Variants in SH3BGR observed in about 807,000 individuals in gnomAD.
SH3BGR encodes SH3 domain binding glutamate rich protein.
In SH3BGR, 29 loss-of-function variants were observed where a neutral mutation model predicts 24.5. The ratio of observed to expected loss-of-function variants is 1.18; its 90% confidence interval spans 0.88 to 1.61. The LOEUF (loss-of-function observed/expected upper bound fraction) is 1.61. SH3BGR is among the 40% of genes most tolerant of loss of function. The pLI is 0.00. For missense variants in SH3BGR, 162 were observed against 205.8 expected (o/e 0.79, Z 1.30); for synonymous variants, 55 against 65.7 (o/e 0.84, Z 0.79).
intron 3 of SH3BGR, among the ~76,000 whole-genome samples, chr21:39,478,778 A>G (rs766053523): frequency 1.1e-4 from 17 of 151,406 alleles, no homozygotes; most frequent in Non-Finnish European, 2.2e-4. Flanking sequence ...TCTTCCCTCT[A>G]TTGGTAGTTT....
At chr21:39,465,679 C>T (rs934601800) in intron 2 of SH3BGR, among the ~76,000 whole-genome samples, 8 of 152,250 alleles carry the variant, frequency 5.3e-5, no homozygotes, top group African/African-American at 1.7e-4. Context: ...CAGCCTCAAA[C>T]TCCTGAGCTC....
intron 4 of SH3BGR, 47 bp from the exon 5 acceptor site, chr21:39,508,951 G>A (rs74857292): frequency 3.2e-5 from 44 of 1,353,864 alleles, no homozygotes; most frequent in African/African-American, 2.2e-4. Flanking sequence ...GACTTTAAAC[G>A]TACTTGAATT....
intron 2 of SH3BGR, among the ~76,000 whole-genome samples, chr21:39,471,282 A>G (rs1003199645): frequency 2.0e-5 from 3 of 152,178 alleles, no homozygotes; most frequent in Non-Finnish European, 4.4e-5. Flanking sequence ...CAATAAGTCT[A>G]GAAAATTATT....
At chr21:39,452,600 A>G (rs1193479181) in intron 1 of SH3BGR, among the ~76,000 whole-genome samples, 1 of 152,222 alleles carries the variant, frequency 6.6e-6, no homozygotes, top group Non-Finnish European at 1.5e-5. Flanking sequence ...TAATGATGTA[A>G]CCATACTGAA....
At chr21:39,455,937 C>T (rs188183171) in intron 1 of SH3BGR, among the ~76,000 whole-genome samples, 24 of 152,264 alleles carry the variant, frequency 1.6e-4, no homozygotes, top group African/African-American at 5.3e-4. Flanking sequence ...CAATGCCATG[C>T]GTCCAACAGT....
In SH3BGR at chr21:39,462,546, G is replaced by A. The variant is rs774157011; in HGVS notation, c.217G>A (p.Glu73Lys). The A allele has an allele frequency of 1.3e-6, 2 of 1,590,688 alleles. No individual in the cohort carries two copies. Among genetic ancestry groups the A allele is most frequent in the African/African-American group, 1.4e-5 (1 of 73,342 alleles). ...IPLPPQIFNE[E>K]QYCGDFDSFF... The stretch of plus-strand genomic sequence containing the variant: ...TTTGCCTCCCCAGATCTTCAATGAG[G>A]AGCAGTACTGTGGGGTGAGTATGTG... Residue 73 changes from glutamate (E) to lysine (K), a missense_variant, in exon 2 of 7, where the codon GAG becomes AAG. Glu to Lys is a moderately conservative substitution (Grantham distance 56). Transcript: ENST00000333634.
chr21:39,471,489 A>G (rs1302667027), intron 2 of SH3BGR, among the ~76,000 whole-genome samples: 3 of 152,074 alleles, frequency 2.0e-5, no homozygotes, highest in African/African-American at 7.2e-5. Context: ...TATAATCTGT[A>G]TTTGCTTCTC....
chr21:39,510,234 G>A lies in SH3BGR; in HGVS notation c.435+1207G>A, dbSNP rs1041327612. ...TGGGATTACAGGCGTGAGCCACCGCGCCCAGCCTTTGTTAACTTTTGAAAT... is the reference window on the plus strand; with the variant it reads ...TGGGATTACAGGCGTGAGCCACCGCACCCAGCCTTTGTTAACTTTTGAAAT... On this transcript the variant is annotated intron_variant, in intron 5 of 6. Transcript: ENST00000333634. 3.1e-5 allele frequency among the ~76,000 whole-genome samples: 4 copies of A among 127,644 alleles called. 1 individual carries two copies. Among genetic ancestry groups the A allele is most frequent in the Non-Finnish European group, 6.6e-5 (4 of 60,886 alleles). 83.7% of individuals were successfully genotyped at this position (127,644 alleles called of 152,430 possible).
chr21:39,502,548 G>A (rs548719765), intron 4 of SH3BGR, among the ~76,000 whole-genome samples: 25 of 152,316 alleles, frequency 1.6e-4, no homozygotes, highest in African/African-American at 5.8e-4. Context: ...AGACTCCTGG[G>A]CAAGGAATGT....
At chr21:39,474,304 G>A (rs1265686987) in intron 2 of SH3BGR, among the ~76,000 whole-genome samples, 1 of 152,114 alleles carries the variant, frequency 6.6e-6, no homozygotes, top group Non-Finnish European at 1.5e-5. Flanking sequence ...GAGTAGGGTA[G>A]GCAAAGAACA....
intron 1 of SH3BGR, 45 bp downstream of exon 1, chr21:39,452,186 AACT>A (rs2077585884): frequency 6.2e-7 from 1 of 1,611,760 alleles, no homozygotes; most frequent in Non-Finnish European, 8.5e-7. Context: ...TTTTCTGAAT[AACT>A]TAGGGTTGGA....
Position 39,499,272 on chromosome 21 carries a change from A to ATCTATCTATCTATCTATCTATCTG in SH3BGR, c.313-542_313-541insCTATCTATCTATCTGTCTATCTAT, listed in dbSNP as rs1487738408. On this transcript the variant is annotated intron_variant, in intron 3 of 6. Coordinates refer to ENST00000333634, the MANE Select transcript of SH3BGR (RefSeq NM_007341.3). ...CTATCTATCATCTGTCTATCTGTCT[A>ATCTATCTATCTATCTATCTATCTG]TCTATCTATGTCTGTCTGCCTGCCT... is the stretch of plus-strand genomic sequence containing the variant. 1.7e-4 allele frequency among the ~76,000 whole-genome samples: 25 copies of ATCTATCTATCTATCTATCTATCTG among 150,258 alleles called. No homozygotes were observed. In the East Asian group the frequency reaches 2.3e-3, roughly 14 times the overall value.
At chr21:39,514,881 T>G (rs918153598) in intron 6 of SH3BGR, among the ~76,000 whole-genome samples, 1 of 152,254 alleles carries the variant, frequency 6.6e-6, no homozygotes, top group Non-Finnish European at 1.5e-5. Context: ...GTGTTTGATA[T>G]GTGTTTATGC....
At chr21:39,490,358 G>A (rs1259179834) in intron 3 of SH3BGR, among the ~76,000 whole-genome samples, 3 of 152,168 alleles carry the variant, frequency 2.0e-5, no homozygotes, top group African/African-American at 7.2e-5. Flanking sequence ...AATTTGAAAA[G>A]GCTAAAATTC....
Position 39,515,115 on chromosome 21 carries a change from A to G in SH3BGR, c.*62A>G, listed in dbSNP as rs1246740261. ...AATGGAAGCTATGAAGCAACATTTC[A>G]AATGTCTCTCCACAAACCAAACTCA... On this transcript the variant is annotated 3_prime_UTR_variant, in exon 7 of 7. Transcript: ENST00000333634. 4.2e-6 allele frequency: 2 copies of G among 470,596 alleles called. No individual in the cohort carries two copies. Among genetic ancestry groups the G allele is most frequent in the Non-Finnish European group, 4.4e-6 (1 of 226,732 alleles). The allele number at this position is 470,596 out of a possible 1,614,324, so 29.2% of individuals were successfully genotyped here.
chr21:39,485,836 C>T (rs1183713713), intron 3 of SH3BGR, among the ~76,000 whole-genome samples: 3 of 152,012 alleles, frequency 2.0e-5, no homozygotes, highest in African/African-American at 4.8e-5. Flanking sequence ...TACAGGCGCC[C>T]GCCACCACGC....
chr21:39,466,841 C>T (rs1382361510), intron 2 of SH3BGR, among the ~76,000 whole-genome samples: 1 of 152,136 alleles, frequency 6.6e-6, no homozygotes, highest in Non-Finnish European at 1.5e-5. Flanking sequence ...ACCATATCAC[C>T]ATAGATGTTG....
intron 3 of SH3BGR, among the ~76,000 whole-genome samples, chr21:39,476,942 G>T (rs1031055439): frequency 6.6e-6 from 1 of 152,158 alleles, no homozygotes. Context: ...CCAATAAACA[G>T]AAGGGGAGAC....
chr21:39,456,799 C>A (rs768544531), intron 1 of SH3BGR, among the ~76,000 whole-genome samples: 1 of 152,074 alleles, frequency 6.6e-6, no homozygotes, highest in Non-Finnish European at 1.5e-5. Flanking sequence ...TTTATTTGTC[C>A]GTGCTTGCCC....
Sources: allele counts gnomAD v4.1 joint callset (sites outside exome capture counted in the v4.1 genomes callset), GRCh38; gene constraint gnomAD v4.1.1; transcripts MANE v1.5; gene names NCBI Gene and HGNC (gene_info 2026-07-23, HGNC 2026-07-21).